GIMD1: variants seen among roughly 807,000 people sequenced by gnomAD.
The protein encoded by GIMD1 is GTPase IMAP family member GIMD1.
Under a neutral mutation model 14.9 loss-of-function variants are expected in GIMD1, and 14 were observed. The observed-to-expected ratio is 0.94, with a 90% CI of 0.62 to 1.47. GIMD1 has a LOEUF of 1.47. GIMD1 is among the 40% of genes most tolerant of loss of function. The probability of loss-of-function intolerance (pLI) is 0.00; values close to 1 mark genes in which losing one functional copy is unlikely to be tolerated. For missense variants in GIMD1, 272 were observed against 255.3 expected, an observed-to-expected ratio of 1.07 and a Z score of -0.44; for synonymous variants, 91 against 90.5, an observed-to-expected ratio of 1.01 and a Z score of -0.03.
At chr4:106,363,885 G>T (rs1240174487) in intron 2 of GIMD1, among the ~76,000 whole-genome samples, 16 of 43,612 alleles carry the variant, frequency 3.7e-4, no homozygotes, top group Non-Finnish European at 3.9e-4. Flanking sequence ...TACCATAATG[G>T]GGGGGGGGGG....
At chr4:106,365,328 A>AT (rs553816780) in intron 2 of GIMD1, among the ~76,000 whole-genome samples, 2 of 149,020 alleles carry the variant, frequency 1.3e-5, no homozygotes, top group African/African-American at 4.9e-5. Context: ...CATGATGAGC[A>AT]TTTTTTATGC....
At chr4:106,365,507 T>C (rs1770684388) in intron 2 of GIMD1, among the ~76,000 whole-genome samples, 1 of 152,076 alleles carries the variant, frequency 6.6e-6, no homozygotes, top group African/African-American at 2.4e-5. Context: ...ACCAAGTAAC[T>C]ATCTTTCTGG....
chr4:106,368,628 T>C, intron 1 of GIMD1, 82 bp downstream of exon 1: 1 of 396,458 alleles, frequency 2.5e-6, no homozygotes, highest in Admixed American at 4.4e-5. Flanking sequence ...TGCAGTCAAT[T>C]TCTTTTTACT....
intron 2 of GIMD1, among the ~76,000 whole-genome samples, chr4:106,361,939 A>T (rs903578674): frequency 6.6e-6 from 1 of 152,230 alleles, no homozygotes; most frequent in African/African-American, 2.4e-5. Flanking sequence ...AATGAAGTAA[A>T]TGGTTTAACT....
At chr4:106,362,905 A>G (rs1561040577) in intron 2 of GIMD1, among the ~76,000 whole-genome samples, 1 of 152,010 alleles carries the variant, frequency 6.6e-6, no homozygotes, top group Non-Finnish European at 1.5e-5. Context: ...TTGAGGACTT[A>G]CGGTGTTAAA....
chr4:106,360,569 T>TCCTC (rs1470966029), intron 2 of GIMD1, among the ~76,000 whole-genome samples: 1 of 151,912 alleles, frequency 6.6e-6, no homozygotes, highest in Non-Finnish European at 1.5e-5. Flanking sequence ...TTGAATTGCA[T>TCCTC]CCTCCGCCAA....
intron 2 of GIMD1, among the ~76,000 whole-genome samples, chr4:106,359,052 C>A (rs1167331548): frequency 6.6e-6 from 1 of 151,892 alleles, no homozygotes; most frequent in Non-Finnish European, 1.5e-5. Flanking sequence ...TATCTGATGA[C>A]TTCCTCTAAT....
rs778251301 is a variant in GIMD1, at chr4:106,358,383, T to C, written c.454A>G (p.Ile152Val). The C allele has an allele frequency of 6.6e-5, 101 of 1,531,436 alleles. No individual in the cohort carries two copies. The highest frequency in any genetic ancestry group is 8.6e-5 in the Non-Finnish European group (98 of 1,144,884). 94.9% of individuals were successfully genotyped at this position (1,531,436 alleles called of 1,614,324 possible). Residue 152 changes from isoleucine to valine, a missense_variant, in exon 3 of 3, where the codon ATA (isoleucine) becomes GTA (valine). By Grantham distance (29) the Ile-to-Val change is conservative. Transcript: ENST00000638719. ...TCTTCAGTAAGCCCAGCCTCTTCTA[T>C]TTTTTCTGCATGGGTAAAAAGAATG... ...TAILFTHAEK[I>V]EEAGLTEDKY... is the part of the protein sequence containing the mutation.
intron 2 of GIMD1, 134 bp from the exon 3 acceptor site, chr4:106,358,577 A>G: frequency 1.6e-6 from 1 of 636,312 alleles, no homozygotes; most frequent in Non-Finnish European, 2.5e-6. Context: ...TATACAATGT[A>G]GGAAATGAAG....
At chr4:106,358,920 T>C (rs1479070549) in intron 2 of GIMD1, among the ~76,000 whole-genome samples, 3 of 151,940 alleles carry the variant, frequency 2.0e-5, no homozygotes, top group Admixed American at 2.0e-4. Flanking sequence ...TATTGATTAA[T>C]CAGGTGACAT....
At chr4:106,358,534 G>A in intron 2 of GIMD1, 91 bp from the exon 3 acceptor site, 1 of 908,286 alleles carries the variant, frequency 1.1e-6, no homozygotes. Flanking sequence ...TAGATAGCCA[G>A]CAGATCCATA....
intron 2 of GIMD1, among the ~76,000 whole-genome samples, chr4:106,364,267 A>C (rs991522012): frequency 1.4e-4 from 21 of 152,150 alleles, no homozygotes; most frequent in African/African-American, 5.1e-4. Context: ...GGGAAAGAAG[A>C]AGCTACTTCT....
chr4:106,367,020 G>A (rs1383975321), intron 2 of GIMD1, 23 bp downstream of exon 2: 2 of 1,402,738 alleles, frequency 1.4e-6, no homozygotes, highest in Non-Finnish European at 1.9e-6. Context: ...AATGGCATTA[G>A]TGTAATTGCA....
At chr4:106,361,020 C>A (rs1177980557) in intron 2 of GIMD1, among the ~76,000 whole-genome samples, 2 of 152,096 alleles carry the variant, frequency 1.3e-5, no homozygotes, top group Non-Finnish European at 2.9e-5. Flanking sequence ...GGGAATACAG[C>A]AATCCCTGGA....
At chr4:106,361,291 C>T (rs1209721518) in intron 2 of GIMD1, among the ~76,000 whole-genome samples, 2 of 152,046 alleles carry the variant, frequency 1.3e-5, no homozygotes, top group East Asian at 3.9e-4. Flanking sequence ...GAAAGAAATA[C>T]TTTGAATTTG....
chr4:106,363,314 T>C (rs1399305249), intron 2 of GIMD1, among the ~76,000 whole-genome samples: 1 of 152,126 alleles, frequency 6.6e-6, no homozygotes, highest in East Asian at 1.9e-4. Flanking sequence ...GACACTACTG[T>C]CTTTCTCAAT....
intron 2 of GIMD1, 67 bp downstream of exon 2, chr4:106,366,976 T>A (rs929659472): frequency 1.2e-5 from 5 of 431,724 alleles, no homozygotes; most frequent in Non-Finnish European, 1.9e-5. Flanking sequence ...TTATTATTAT[T>A]ATACTATTAG....
chr4:106,362,858 A>T lies in GIMD1; in HGVS notation c.393+4185T>A, dbSNP rs147716310. ...ATCCAGAGAATATTCAACCTCAGAG[A>T]TCATCTTATAAACTGCCTCATTTTA... On this transcript the variant is annotated intron_variant, in intron 2 of 2. Transcript: ENST00000638719. Among the ~76,000 whole-genome samples the T allele has an allele frequency of 5.9e-5, 9 of 151,678 alleles. No individual in the cohort carries two copies. The East Asian group carries it at 1.6e-3, about 26-fold the overall frequency.
intron 2 of GIMD1, among the ~76,000 whole-genome samples, chr4:106,361,157 G>T (rs1770607233): frequency 1.3e-5 from 2 of 151,922 alleles, no homozygotes; most frequent in South Asian, 4.1e-4. Flanking sequence ...ATTTATTGAG[G>T]GTCTACTTTG....
Sources: allele counts gnomAD v4.1 joint callset (sites outside exome capture counted in the v4.1 genomes callset), GRCh38; gene constraint gnomAD v4.1.1; transcripts MANE v1.5; gene names NCBI Gene and HGNC (gene_info 2026-07-23, HGNC 2026-07-21).